Variants in DPP6 observed in about 807,000 individuals in gnomAD.
DPP6 encodes dipeptidyl peptidase like 6, also known as A-type potassium channel modulatory protein DPP6.
Under a neutral mutation model 122.6 loss-of-function variants are expected in DPP6, and 69 were observed. That is an observed-to-expected ratio of 0.56 (90% confidence interval 0.46 to 0.69). DPP6 has a LOEUF of 0.69. Ranked by LOEUF, DPP6 falls within the 30% of genes least tolerant of loss-of-function variation. The probability of loss-of-function intolerance (pLI) is 0.00; values close to 1 mark genes in which losing one functional copy is unlikely to be tolerated. For synonymous variants in DPP6, 418 were observed against 433.1 expected (o/e 0.97, Z 0.43); for missense variants, 928 against 1,116.9 (o/e 0.83, Z 2.41).
rs918002464 is a variant in DPP6 at position 154,389,720 on chromosome 7, AG to A, written c.244-56493del. Among the ~76,000 whole-genome samples the A allele has an allele frequency of 1.7e-3, 63 of 37,728 alleles. No homozygotes were observed. The East Asian group carries it at 0.019, about 11-fold the overall frequency. The allele number at this position is 37,728 out of a possible 152,430, so 24.8% of individuals were successfully genotyped here. On this transcript the variant is annotated intron_variant, in intron 1 of 25. Transcript: ENST00000377770. Reference sequence around the variant, plus strand: ...ATACTAATTTTCCTTGCATTCTGGCAGTCCTCAAAATGTAATAGGCAAGTTT... The same window carrying A: ...ATACTAATTTTCCTTGCATTCTGGCATCCTCAAAATGTAATAGGCAAGTTT...
chr7:154,794,782 G>T (rs987803494), intron 11 of DPP6, among the ~76,000 whole-genome samples: 1 of 8,390 alleles, frequency 1.2e-4, no homozygotes, highest in Admixed American at 1.1e-3. Flanking sequence ...CAGGCAGGCG[G>T]CCCACGGCCT....
chr7:154,068,103 A>G (rs2429606), intron 1 of DPP6, among the ~76,000 whole-genome samples: 2 of 151,964 alleles, frequency 1.3e-5, no homozygotes, highest in Non-Finnish European at 2.9e-5. Flanking sequence ...AGAATTTGGC[A>G]ATGGCTTAGT....
At chr7:154,305,887 C>T (rs919403001) in intron 1 of DPP6, among the ~76,000 whole-genome samples, 3 of 152,042 alleles carry the variant, frequency 2.0e-5, no homozygotes, top group East Asian at 1.9e-4. Flanking sequence ...TCTACAGAGC[C>T]GCCAGATCTA....
rs1205192607 is a variant in DPP6 at position 154,053,101 on chromosome 7, C to T, written c.243+38C>T. On this transcript the variant is annotated intron_variant, in intron 1 of 25. Coordinates refer to ENST00000377770, the MANE Select transcript of DPP6 (RefSeq NM_130797.4). Reference sequence around the variant, plus strand: ...CGGGGGCGGGGGGCGGCGGCGGGTTCTCCGGGCTGAGCGCGCAGCGAGACG... The same window carrying T: ...CGGGGGCGGGGGGCGGCGGCGGGTTTTCCGGGCTGAGCGCGCAGCGAGACG... The T allele has an allele frequency of 6.6e-6, 7 of 1,064,332 alleles. No homozygotes were observed. In the African/African-American group the frequency reaches 8.4e-5, roughly 13 times the overall value. 65.9% of individuals were successfully genotyped at this position (1,064,332 alleles called of 1,614,324 possible).
At chr7:153,767,901 G>T in the DPP6 span, among the ~76,000 whole-genome samples, 889 of 152,240 alleles carry the variant, frequency 5.8e-3, 7 homozygotes, top group African/African-American at 0.02. Flanking sequence ...CGTGGCAGGT[G>T]GGGCAGCACC....
At chr7:154,792,697 T>C (rs1487162767) in intron 10 of DPP6, among the ~76,000 whole-genome samples, 1 of 152,066 alleles carries the variant, frequency 6.6e-6, no homozygotes, top group African/African-American at 2.4e-5. Flanking sequence ...GAGCAGATGG[T>C]GGGAAGAAAA....
chr7:154,737,464 T>C (rs564755859), intron 8 of DPP6, among the ~76,000 whole-genome samples: 7 of 152,328 alleles, frequency 4.6e-5, no homozygotes, highest in African/African-American at 1.7e-4. Flanking sequence ...TATTTTTTAT[T>C]TGTAATATTT....
At chr7:153,798,055 G>A in the DPP6 span, among the ~76,000 whole-genome samples, 2 of 152,038 alleles carry the variant, frequency 1.3e-5, no homozygotes, top group East Asian at 3.9e-4. Context: ...TGTTAGCCAG[G>A]ATGGTCTTGA....
At chr7:154,358,796 C>T (rs765678171) in intron 1 of DPP6, among the ~76,000 whole-genome samples, 17 of 152,304 alleles carry the variant, frequency 1.1e-4, no homozygotes, top group Non-Finnish European at 2.2e-4. Context: ...ACCTCTGCCT[C>T]CCAGGTTCAA....
intron 1 of DPP6, among the ~76,000 whole-genome samples, chr7:154,263,212 G>C (rs1306899099): frequency 6.6e-6 from 1 of 152,072 alleles, no homozygotes; most frequent in Non-Finnish European, 1.5e-5. Flanking sequence ...AAGAACAAAG[G>C]GGAAAGACTC....
At chr7:154,889,652 G>A (rs929835705) in intron 25 of DPP6, 122 bp downstream of exon 25, 10 of 1,470,548 alleles carry the variant, frequency 6.8e-6, no homozygotes, top group Admixed American at 2.5e-5. Flanking sequence ...GGTGGTCGGT[G>A]ATGAGCAAGG....
intron 1 of DPP6, among the ~76,000 whole-genome samples, chr7:153,943,935 A>G (rs1439603503): frequency 1.3e-5 from 2 of 152,174 alleles, no homozygotes; most frequent in Non-Finnish European, 2.9e-5. Context: ...AAACAAAGGC[A>G]GTTCCAGTGG....
intron 16 of DPP6, among the ~76,000 whole-genome samples, chr7:154,839,446 C>T (rs756313648): frequency 6.6e-6 from 1 of 152,224 alleles, no homozygotes; most frequent in African/African-American, 2.4e-5. Context: ...CCAGTGCTGG[C>T]GTTACCACTT....
intron 7 of DPP6, among the ~76,000 whole-genome samples, chr7:154,710,151 A>C (rs1841089911): frequency 6.6e-6 from 1 of 152,218 alleles, no homozygotes; most frequent in African/African-American, 2.4e-5. Context: ...AGGGAGCAGG[A>C]CATCCACAAG....
At chr7:154,324,031 G>A (rs79101021) in intron 1 of DPP6, among the ~76,000 whole-genome samples, 3,900 of 152,236 alleles carry the variant, frequency 0.026, 162 homozygotes, top group African/African-American at 0.087. Flanking sequence ...GATACCAAGA[G>A]GAAACACTGA....
chr7:154,346,555 C>T lies in DPP6; in HGVS notation c.244-99659C>T, dbSNP rs569081361. 3.3e-5 allele frequency among the ~76,000 whole-genome samples: 5 copies of T among 152,280 alleles called. No individual in the cohort carries two copies. The South Asian group carries it at 1.0e-3, about 32-fold the overall frequency. ...CTCCTGATCTCAGGTAATCCACCCA[C>T]CTCAGCCTCCCAAAGAGCTGGGATT... On this transcript the variant is annotated intron_variant, in intron 1 of 25. Transcript: ENST00000377770.
In DPP6 at chr7:154,652,159, C is replaced by T. The variant is rs556862997; in HGVS notation, c.680+14286C>T. Among the ~76,000 whole-genome samples the T allele has an allele frequency of 1.6e-4, 25 of 152,228 alleles. No homozygotes were observed. In the East Asian group the frequency reaches 3.1e-3, roughly 19 times the overall value. On this transcript the variant is annotated intron_variant, in intron 6 of 25. Coordinates refer to ENST00000377770, the MANE Select transcript of DPP6 (RefSeq NM_130797.4). The stretch of plus-strand genomic sequence containing the variant: ...CAACACATCAGCTGGTAATTATGCC[C>T]GGCACCAGGATACTGGGGCAAGGCA...
chr7:153,933,574 A>G (rs1801276709), intron 1 of DPP6, among the ~76,000 whole-genome samples: 2 of 152,326 alleles, frequency 1.3e-5, no homozygotes, highest in Middle Eastern at 3.4e-3. Context: ...TTTAATAGGC[A>G]TAGAGGAAAC....
intron 1 of DPP6, among the ~76,000 whole-genome samples, chr7:154,289,485 C>CA (rs1321939617): frequency 3.3e-5 from 5 of 152,208 alleles, no homozygotes; most frequent in African/African-American, 1.2e-4. Context: ...TCAATCCTCT[C>CA]ATGCCTTCAG....
Sources: allele counts gnomAD v4.1 joint callset (sites outside exome capture counted in the v4.1 genomes callset), GRCh38; gene constraint gnomAD v4.1.1; transcripts MANE v1.5; gene names NCBI Gene and HGNC (gene_info 2026-07-23, HGNC 2026-07-21).